The following ERC2 variants were observed in gnomAD, a reference collection of about 807,000 sequenced individuals.
ERC2 encodes the protein ELKS/RAB6-interacting/CAST family member 2.
In ERC2, 42 loss-of-function variants were observed where a neutral mutation model predicts 114.8. That is an observed-to-expected ratio of 0.37 (90% CI 0.29 to 0.47). ERC2 has a LOEUF of 0.47. Ranked by LOEUF, ERC2 falls within the 20% of genes least tolerant of loss-of-function variation. The pLI is 0.99. For synonymous variants in ERC2, 454 were observed against 425.5 expected (o/e 1.07, Z -0.82); for missense variants, 939 against 1,150.7 (o/e 0.82, Z 2.66).
At chr3:55,889,671 C>T (rs2063517584) in intron 13 of ERC2, among the ~76,000 whole-genome samples, 1 of 151,922 alleles carries the variant, frequency 6.6e-6, no homozygotes, top group South Asian at 2.1e-4. Context: ...CAGGCTGTGT[C>T]CTCCCTGCTG....
chr3:56,413,407 T>A (rs758768509), intron 2 of ERC2, among the ~76,000 whole-genome samples: 1 of 152,326 alleles, frequency 6.6e-6, no homozygotes, highest in African/African-American at 2.4e-5. Context: ...TGGTGGCTGC[T>A]TGGGGTCAGC....
At chr3:55,869,527 CTTT>C (rs2062474598) in intron 14 of ERC2, among the ~76,000 whole-genome samples, 1 of 152,142 alleles carries the variant, frequency 6.6e-6, no homozygotes, top group South Asian at 2.1e-4. Context: ...GTCCCCCCTT[CTTT>C]ACCTCCCCAA....
intron 3 of ERC2, among the ~76,000 whole-genome samples, chr3:56,232,834 A>G (rs947211743): frequency 6.6e-6 from 1 of 152,322 alleles, no homozygotes; most frequent in South Asian, 2.1e-4. Context: ...AGAATTCTTC[A>G]GTTCCTCAAG....
intron 13 of ERC2, among the ~76,000 whole-genome samples, chr3:55,944,788 G>T (rs2067024478): frequency 6.6e-6 from 1 of 152,122 alleles, no homozygotes; most frequent in Non-Finnish European, 1.5e-5. Context: ...GGCTCGCGGA[G>T]GATTATAGTG....
At chr3:56,140,626 A>G (rs956499273) in intron 5 of ERC2, among the ~76,000 whole-genome samples, 2 of 152,238 alleles carry the variant, frequency 1.3e-5, no homozygotes, top group African/African-American at 4.8e-5. Context: ...AAAAAATGCT[A>G]TTCTGAACAT....
Position 56,348,955 on chromosome 3 carries a change from G to A in ERC2, c.658-52520C>T, listed in dbSNP as rs1367597811. On this transcript the variant is annotated intron_variant, in intron 2 of 17. Transcript: ENST00000288221. ...AGGAAGGAAGGAAGGAAGGAAGGAA[G>A]GAAAGAAAGAAAGAAGGAAAGAAAG... Among the ~76,000 whole-genome samples, 416 of 116,496 alleles carry A rather than the reference G, an allele frequency of 3.6e-3. 1 individual carries two copies. The highest frequency in any genetic ancestry group is 5.8e-3 in the Non-Finnish European group (306 of 52,370). The allele number at this position is 116,496 out of a possible 152,430, so 76.4% of individuals were successfully genotyped here. A position where few individuals can be genotyped will look rare whatever the true frequency, so the allele number is the denominator to read the frequency against.
At chr3:55,822,624 G>A (rs2060173340) in intron 14 of ERC2, among the ~76,000 whole-genome samples, 2 of 148,048 alleles carry the variant, frequency 1.4e-5, no homozygotes, top group Non-Finnish European at 3.0e-5. Flanking sequence ...GAGTGCAGTG[G>A]CGCAATCTTG....
intron 2 of ERC2, among the ~76,000 whole-genome samples, chr3:56,302,510 A>G (rs772808191): frequency 6.6e-6 from 1 of 152,034 alleles, no homozygotes; most frequent in Non-Finnish European, 1.5e-5. Flanking sequence ...CTAAAGGACC[A>G]GGATACAATA....
chr3:56,059,733 TA>T (rs1560104626), intron 7 of ERC2, among the ~76,000 whole-genome samples: 1 of 152,236 alleles, frequency 6.6e-6, no homozygotes, highest in East Asian at 1.9e-4. Flanking sequence ...TGTGCTTCAA[TA>T]GAAAATAAAT....
chr3:55,701,172 AT>A (rs1296506721), intron 15 of ERC2, among the ~76,000 whole-genome samples: 1 of 152,212 alleles, frequency 6.6e-6, no homozygotes, highest in African/African-American at 2.4e-5. Flanking sequence ...AACATTGTGC[AT>A]TCTTAATAGT....
intron 16 of ERC2, among the ~76,000 whole-genome samples, chr3:55,690,571 T>C (rs1439213266): frequency 6.6e-6 from 1 of 152,092 alleles, no homozygotes; most frequent in Non-Finnish European, 1.5e-5. Context: ...CAAAGGATAC[T>C]GCAACAAATC....
rs747723274 is a variant in ERC2 at position 55,888,483 on chromosome 3, C to T, written c.2470G>A (p.Ala824Thr). The T allele has an allele frequency of 8.7e-6, 14 of 1,613,808 alleles. No homozygotes were observed. The highest frequency in any genetic ancestry group is 8.3e-5 in the Admixed American group (5 of 59,992). ...TCGGCCAGGGACTGTTGTGTGGAGG[C>T]GAGGCGTGCTTTGGTGGCATCCAGT... ...QELDATKARL[A>T]STQQSLAEKE... Residue 824 changes from alanine to threonine, a missense_variant, in exon 14 of 18, where the codon GCC becomes ACC. Ala to Thr is a moderately conservative substitution (Grantham distance 58). This residue lies in a region of ERC2 where 328 missense variants were observed against 353.9 expected (regional missense o/e 0.93). Coordinates refer to ENST00000288221, the MANE Select transcript of ERC2 (RefSeq NM_015576.3).
At chr3:56,160,991 G>A (rs1185805457) in intron 4 of ERC2, among the ~76,000 whole-genome samples, 3 of 152,124 alleles carry the variant, frequency 2.0e-5, no homozygotes, top group South Asian at 2.1e-4. Context: ...GTTGAAATAC[G>A]ATTCCCAATG....
intron 17 of ERC2, among the ~76,000 whole-genome samples, chr3:55,595,165 A>G (rs1257550292): frequency 6.6e-6 from 1 of 152,234 alleles, no homozygotes; most frequent in Non-Finnish European, 1.5e-5. Flanking sequence ...AGAAGGACCC[A>G]GCAGTTTAAA....
intron 6 of ERC2, among the ~76,000 whole-genome samples, chr3:56,086,783 C>A (rs890690032): frequency 6.6e-6 from 1 of 152,090 alleles, no homozygotes; most frequent in African/African-American, 2.4e-5. Context: ...TGACTCCACT[C>A]AACAGAGTAC....
intron 14 of ERC2, among the ~76,000 whole-genome samples, chr3:55,845,619 T>C (rs1483227731): frequency 2.0e-5 from 3 of 152,218 alleles, no homozygotes; most frequent in Non-Finnish European, 2.9e-5. Flanking sequence ...CCCCAACTGT[T>C]TTACTTACAA....
chr3:55,881,880 A>G (rs2063131844), intron 14 of ERC2, among the ~76,000 whole-genome samples: 1 of 152,238 alleles, frequency 6.6e-6, no homozygotes, highest in African/African-American at 2.4e-5. Flanking sequence ...ATAATCTTAT[A>G]CACAAGGAAA....
intron 17 of ERC2, among the ~76,000 whole-genome samples, chr3:55,563,576 TGAGA>T (rs1008878058): frequency 6.6e-6 from 1 of 151,968 alleles, no homozygotes; most frequent in African/African-American, 2.4e-5. Context: ...AAGAGAACAC[TGAGA>T]GAGAGAGACA....
At chr3:55,638,925 C>T (rs1398130694) in intron 17 of ERC2, among the ~76,000 whole-genome samples, 1 of 152,152 alleles carries the variant, frequency 6.6e-6, no homozygotes, top group Non-Finnish European at 1.5e-5. Flanking sequence ...AGATGGTGGA[C>T]AGCACAGGGT....
Sources: allele counts gnomAD v4.1 joint callset (sites outside exome capture counted in the v4.1 genomes callset), GRCh38; gene constraint gnomAD v4.1.1; regional missense constraint gnomAD v4.1.1; transcripts MANE v1.5; gene names NCBI Gene and HGNC (gene_info 2026-07-23, HGNC 2026-07-21).